The following GRIK1 variants were observed in gnomAD, a reference collection of about 807,000 sequenced individuals.
GRIK1 encodes glutamate receptor ionotropic, kainate 1.
GRIK1 carries 69 observed loss-of-function variants against 105.7 expected under a neutral mutation model. That is an observed-to-expected ratio of 0.65 (90% CI 0.54 to 0.80). The LOEUF is 0.80. GRIK1 is among the 30% of genes least tolerant of loss of function. The probability of loss-of-function intolerance (pLI) is 0.00; values close to 1 mark genes in which losing one functional copy is unlikely to be tolerated. For synonymous variants in GRIK1, 438 were observed against 431.3 expected (o/e 1.02, Z -0.19); for missense variants, 1,109 against 1,167.3 (o/e 0.95, Z 0.73).
intron 7 of GRIK1, among the ~76,000 whole-genome samples, chr21:29,621,399 T>G (rs2061998792): frequency 6.6e-6 from 1 of 151,880 alleles, no homozygotes; most frequent in Non-Finnish European, 1.5e-5. Flanking sequence ...GAGGGGTGTG[T>G]GTGTGTGTGT....
chr21:29,596,279 A>G, intron 9 of GRIK1: 1 of 629,032 alleles, frequency 1.6e-6, no homozygotes, highest in Non-Finnish European at 2.9e-6. Context: ...GGGAGAAACA[A>G]AAATAATCTT....
chr21:29,693,896 C>T lies in GRIK1; in HGVS notation c.286G>A (p.Ala96Thr). The T allele has an allele frequency of 1.9e-6, 3 of 1,608,188 alleles. No homozygotes were observed. The highest frequency in any genetic ancestry group is 1.7e-6 in the Non-Finnish European group (2 of 1,175,966). ...LFDSFEASRRACDQLALGVAA... is the reference protein window; with the variant it reads ...LFDSFEASRRTCDQLALGVAA... The stretch of plus-strand genomic sequence containing the variant: ...CTTTTAAAAGTGGGAAAATAGTTAC[C>T]TCTCCGCGAGGCTTCAAAACTATCA... Residue 96 changes from alanine (A) to threonine (T), a missense_variant and splice_region_variant, in exon 2 of 18, where the codon GCA becomes ACA. Ala to Thr is a moderately conservative substitution (Grantham distance 58). Transcript: ENST00000327783.
intron 1 of GRIK1, among the ~76,000 whole-genome samples, chr21:29,935,921 A>G (rs1238827844): frequency 2.0e-5 from 3 of 152,228 alleles, no homozygotes; most frequent in Non-Finnish European, 2.9e-5. Context: ...GAAAATGTAA[A>G]TAATAAAAAA....
At chr21:29,560,574 T>TTCTTTCTTTCTCTCTCTCTC (rs1601116875) in intron 15 of GRIK1, among the ~76,000 whole-genome samples, 2 of 124,108 alleles carry the variant, frequency 1.6e-5, no homozygotes, top group African/African-American at 8.0e-5. Context: ...CTTTCTTTCT[T>TTCTTTCTTTCTCTCTCTCTC]TCTCTCTTTC....
At chr21:29,630,591 T>C (rs774668737) in intron 7 of GRIK1, 1 of 471,536 alleles carries the variant, frequency 2.1e-6, no homozygotes, top group Non-Finnish European at 4.4e-6. Context: ...AACAACTACG[T>C]GAGCTTGGAA....
intron 1 of GRIK1, among the ~76,000 whole-genome samples, chr21:29,717,757 G>A (rs1045662318): frequency 1.3e-5 from 2 of 152,196 alleles, no homozygotes; most frequent in Non-Finnish European, 1.5e-5. Flanking sequence ...ATGCCAGAAT[G>A]AGCTAAGACT....
intron 16 of GRIK1, chr21:29,553,398 C>T: frequency 1.5e-6 from 2 of 1,307,540 alleles, no homozygotes; most frequent in Non-Finnish European, 1.9e-6. Context: ...AGTATCTTTC[C>T]AGTGTATTCA....
intron 1 of GRIK1, among the ~76,000 whole-genome samples, chr21:29,836,017 C>T (rs2067794079): frequency 6.6e-6 from 1 of 151,880 alleles, no homozygotes; most frequent in Non-Finnish European, 1.5e-5. Flanking sequence ...AGAAACTGTT[C>T]CTTGGAAAGC....
At chr21:29,778,873 A>G (rs1399099663) in intron 1 of GRIK1, among the ~76,000 whole-genome samples, 1 of 152,118 alleles carries the variant, frequency 6.6e-6, no homozygotes, top group Non-Finnish European at 1.5e-5. Flanking sequence ...GTCCTTCCTG[A>G]GTTATTCCTC....
At chr21:29,621,408 G>T (rs1415949916) in intron 7 of GRIK1, among the ~76,000 whole-genome samples, 1 of 151,954 alleles carries the variant, frequency 6.6e-6, no homozygotes, top group Non-Finnish European at 1.5e-5. Flanking sequence ...GTGTGTGTGT[G>T]TGTGGGGAAG....
At chr21:29,684,320 T>C (rs1025642359) in intron 3 of GRIK1, among the ~76,000 whole-genome samples, 1 of 152,146 alleles carries the variant, frequency 6.6e-6, no homozygotes, top group Non-Finnish European at 1.5e-5. Flanking sequence ...GTTTATCATA[T>C]ATCTATTTAG....
chr21:29,651,517 T>A (rs1169563055), intron 5 of GRIK1, among the ~76,000 whole-genome samples: 1 of 152,110 alleles, frequency 6.6e-6, no homozygotes, highest in Non-Finnish European at 1.5e-5. Flanking sequence ...CCACTCTGAG[T>A]AGCATGAGGA....
At chr21:29,884,597 T>C (rs922773972) in intron 1 of GRIK1, among the ~76,000 whole-genome samples, 9 of 152,066 alleles carry the variant, frequency 5.9e-5, no homozygotes, top group Non-Finnish European at 1.3e-4. Flanking sequence ...TGGGTGCCAA[T>C]GTTTCTAACC....
At chr21:29,781,657 CTTTTTTTTT>C (rs71191125) in intron 1 of GRIK1, among the ~76,000 whole-genome samples, 2 of 69,260 alleles carry the variant, frequency 2.9e-5, no homozygotes, top group South Asian at 7.9e-4. Flanking sequence ...CCTACTGTTT[CTTTTTTTTT>C]TTTTTTTTTT....
chr21:29,656,963 A>C (rs1046517811), intron 4 of GRIK1, among the ~76,000 whole-genome samples: 5 of 152,344 alleles, frequency 3.3e-5, no homozygotes, highest in Non-Finnish European at 5.9e-5. Flanking sequence ...GACCAGGCAC[A>C]CTAAAGGATG....
intron 1 of GRIK1, among the ~76,000 whole-genome samples, chr21:29,843,569 T>G (rs1003323345): frequency 2.0e-5 from 3 of 152,168 alleles, no homozygotes; most frequent in African/African-American, 7.2e-5. Context: ...TATATTTTTC[T>G]TAGGTGAAGG....
At chr21:29,621,317 A>G (rs978473550) in intron 7 of GRIK1, among the ~76,000 whole-genome samples, 1 of 152,162 alleles carries the variant, frequency 6.6e-6, no homozygotes, top group African/African-American at 2.4e-5. Flanking sequence ...CTTCCTAAGA[A>G]CACTCAAATG....
chr21:29,859,637 C>T (rs1287958309), intron 1 of GRIK1, among the ~76,000 whole-genome samples: 3 of 152,136 alleles, frequency 2.0e-5, no homozygotes, highest in African/African-American at 7.2e-5. Context: ...CAGTTGACAT[C>T]AAAGGTGGGT....
chr21:29,859,570 A>G (rs1175479501), intron 1 of GRIK1, among the ~76,000 whole-genome samples: 1 of 152,194 alleles, frequency 6.6e-6, no homozygotes, highest in Non-Finnish European at 1.5e-5. Flanking sequence ...CCGTCTCCTC[A>G]CACTGGGAAG....
Sources: gnomAD v4.1 joint callset for allele counts (sites outside exome capture counted in the v4.1 genomes callset) on GRCh38, gnomAD v4.1.1 for gene constraint, MANE v1.5 for transcripts, NCBI Gene and HGNC (gene_info 2026-07-23, HGNC 2026-07-21) for gene names.